AK9: variants seen among roughly 807,000 people sequenced by gnomAD.
The protein encoded by AK9 is adenylate kinase domain containing 1.
Under a neutral mutation model 239.6 loss-of-function variants are expected in AK9, and 191 were observed. The observed-to-expected ratio is 0.80, with a 90% CI of 0.71 to 0.90. The LOEUF is 0.90. AK9 is among the 40% of genes least tolerant of loss of function. The pLI, the probability that AK9 is intolerant of heterozygous loss-of-function variation, is 0.00. For synonymous variants in AK9, 689 were observed against 721.0 expected (o/e 0.96, Z 0.71); for missense variants, 1,995 against 2,214.7 (o/e 0.90, Z 1.99).
At position 109,641,531 on chromosome 6, in the gene AK9, T is replaced by C; in HGVS notation, c.920A>G (p.Asp307Gly). ...KLQGAEEEIN[D>G]TMENDELFRT... ...CATATAACTTACATTTTCCATTGTG[T>C]CATTAATTTCTTCCTCTGCACCCTG... Residue 307 changes from aspartate to glycine, a missense_variant, in exon 10 of 41, where the codon GAC becomes GGC. Asp to Gly is a moderately conservative substitution (Grantham distance 94). Transcript: ENST00000424296. 2 of 1,612,010 alleles carry C rather than the reference T, an allele frequency of 1.2e-6. No homozygotes were observed. The highest frequency in any genetic ancestry group is 1.1e-5 in the South Asian group (1 of 91,036).
intron 17 of AK9, among the ~76,000 whole-genome samples, chr6:109,592,446 C>CTCT (rs752326158): frequency 7.9e-6 from 1 of 126,760 alleles, no homozygotes; most frequent in Non-Finnish European, 1.6e-5. Flanking sequence ...AATGGGATTT[C>CTCT]TTTTTTTTTT....
chr6:109,560,069 CCCT>C (rs1191908086), intron 24 of AK9, among the ~76,000 whole-genome samples: 2 of 152,030 alleles, frequency 1.3e-5, no homozygotes, highest in Non-Finnish European at 2.9e-5. Flanking sequence ...CATGATAACT[CCCT>C]CATCTCAGGA....
At chr6:109,564,365 C>G in intron 22 of AK9, 85 bp from the exon 23 acceptor site, 1 of 1,067,212 alleles carries the variant, frequency 9.4e-7, no homozygotes, top group Middle Eastern at 2.7e-4. Context: ...TTATACTTTG[C>G]AATTTTTTTA....
chr6:109,678,352 T>C (rs891731239), intron 1 of AK9, among the ~76,000 whole-genome samples: 14 of 152,216 alleles, frequency 9.2e-5, no homozygotes, highest in African/African-American at 2.9e-4. Context: ...TGTAACATTC[T>C]TGAAATGACA....
At chr6:109,567,649 C>T (rs1391976577) in intron 21 of AK9, among the ~76,000 whole-genome samples, 2 of 146,680 alleles carry the variant, frequency 1.4e-5, no homozygotes, top group Admixed American at 7.1e-5. Context: ...AACCAAACAC[C>T]GCATGTTTTC....
At chr6:109,633,145 G>A in intron 11 of AK9, 39 bp downstream of exon 11, 1 of 1,567,750 alleles carries the variant, frequency 6.4e-7, no homozygotes. Flanking sequence ...AAAGATGTAT[G>A]AGGAAGATTT....
chr6:109,662,553 T>C lies in AK9; in HGVS notation c.442A>G (p.Lys148Glu). 2 of 1,530,668 alleles carry C rather than the reference T, an allele frequency of 1.3e-6. No homozygotes were observed. The highest frequency in any genetic ancestry group is 4.9e-5 in the East Asian group (2 of 40,898). 94.8% of individuals were successfully genotyped at this position (1,530,668 alleles called of 1,614,324 possible). A position where few individuals can be genotyped will look rare whatever the true frequency, so the allele number is the denominator to read the frequency against. Residue 148 changes from lysine to glutamate, a missense_variant and splice_region_variant, in exon 6 of 41, where the codon AAG becomes GAG. Around this residue, in one of 5 missense-constraint regions of AK9, gnomAD observed 252 missense variants for 246.4 expected, o/e 1.02. Transcript: ENST00000424296. ...NLKPDVIINI[K>E]CPDYDLCQRI... ...AGCAAAACAATTAATATCCTTACCTTTATATTGATTATAACATCAGGTTTC... is the reference window on the plus strand; with the variant it reads ...AGCAAAACAATTAATATCCTTACCTCTATATTGATTATAACATCAGGTTTC...
intron 17 of AK9, among the ~76,000 whole-genome samples, chr6:109,595,679 G>T (rs1197264574): frequency 6.6e-6 from 1 of 152,110 alleles, no homozygotes; most frequent in East Asian, 1.9e-4. Flanking sequence ...CCATAAAAAA[G>T]GATGAGTTCA....
intron 21 of AK9, among the ~76,000 whole-genome samples, chr6:109,568,936 G>A (rs572535541): frequency 6.6e-6 from 1 of 152,202 alleles, no homozygotes; most frequent in African/African-American, 2.4e-5. Flanking sequence ...CTACTTTAAA[G>A]TTCATATGCA....
chr6:109,533,276 A>G lies in AK9; in HGVS notation c.3545T>C (p.Ile1182Thr). 1 of 1,608,666 alleles carries G rather than the reference A, an allele frequency of 6.2e-7. No homozygotes were observed. The highest frequency in any genetic ancestry group is 8.5e-7 in the Non-Finnish European group (1 of 1,178,302). The change falls in exon 28 of 41, where the codon ATC becomes ACC. Residue 1182 changes from isoleucine to threonine, a missense_variant. Physicochemically the swap from Ile to Thr is moderately conservative, Grantham distance 89. This residue lies in a region of AK9 where 1,290 missense variants were observed against 1,392.7 expected (regional missense o/e 0.93). Coordinates refer to ENST00000424296, the MANE Select transcript of AK9 (RefSeq NM_001145128.3). ...QKKKLERKKLIKDMKAKIRVD... is the reference protein window; with the variant it reads ...QKKKLERKKLTKDMKAKIRVD... The stretch of plus-strand genomic sequence containing the variant: ...CCTGATTTTTGCCTTCATGTCTTTG[A>G]TCAGTTTCTTCCTTTCTAATTTCTT...
At chr6:109,640,833 C>G (rs1797333241) in intron 10 of AK9, among the ~76,000 whole-genome samples, 1 of 152,116 alleles carries the variant, frequency 6.6e-6, no homozygotes, top group Non-Finnish European at 1.5e-5. Context: ...TGATACCCAT[C>G]ACATATGTAG....
At chr6:109,618,577 T>C (rs1342186010) in intron 13 of AK9, among the ~76,000 whole-genome samples, 1 of 152,096 alleles carries the variant, frequency 6.6e-6, no homozygotes, top group African/African-American at 2.4e-5. Flanking sequence ...GCTGGGTGAT[T>C]TCCAGGGAGC....
intron 27 of AK9, among the ~76,000 whole-genome samples, chr6:109,537,090 C>T (rs1319031698): frequency 6.6e-6 from 1 of 152,098 alleles, no homozygotes; most frequent in Non-Finnish European, 1.5e-5. Context: ...CTCTGCCAGG[C>T]TTTGGTATCA....
At chr6:109,599,721 T>C (rs1490064115) in intron 17 of AK9, among the ~76,000 whole-genome samples, 1 of 152,228 alleles carries the variant, frequency 6.6e-6, no homozygotes, top group African/African-American at 2.4e-5. Context: ...GGAATGTTCT[T>C]CCATTTGTTT....
intron 1 of AK9, among the ~76,000 whole-genome samples, chr6:109,688,429 A>C (rs1394884373): frequency 6.6e-6 from 1 of 152,184 alleles, no homozygotes; most frequent in Non-Finnish European, 1.5e-5. Flanking sequence ...TCTTCATGAG[A>C]TCTCATATAC....
intron 17 of AK9, among the ~76,000 whole-genome samples, chr6:109,605,222 G>T (rs148939749): frequency 1.6e-4 from 25 of 152,226 alleles, no homozygotes; most frequent in African/African-American, 5.8e-4. Context: ...GATCACTTGA[G>T]CCCAGGAGTT....
intron 1 of AK9, among the ~76,000 whole-genome samples, chr6:109,687,384 G>A (rs910180992): frequency 3.3e-5 from 5 of 152,096 alleles, no homozygotes; most frequent in Middle Eastern, 3.2e-3. Flanking sequence ...GTGGGAGTGG[G>A]GTCTGTAACT....
intron 27 of AK9, among the ~76,000 whole-genome samples, chr6:109,537,745 G>A (rs565335251): frequency 4.6e-4 from 70 of 152,158 alleles, no homozygotes; most frequent in Middle Eastern, 3.4e-3. Flanking sequence ...GGCATTTAGT[G>A]CTATAAATTT....
chr6:109,533,491 T>G, intron 27 of AK9, 21 bp from the exon 28 acceptor site: 1 of 1,545,292 alleles, frequency 6.5e-7, no homozygotes, highest in Non-Finnish European at 8.7e-7. Context: ...TTTTCATAAT[T>G]TACTTTATTT....
Sources: allele counts gnomAD v4.1 joint callset (sites outside exome capture counted in the v4.1 genomes callset), GRCh38; gene constraint gnomAD v4.1.1; regional missense constraint gnomAD v4.1.1; transcripts MANE v1.5; gene names NCBI Gene and HGNC (gene_info 2026-07-23, HGNC 2026-07-21).